The following AUTS2 variants were observed in gnomAD, a reference collection of about 807,000 sequenced individuals.
AUTS2 encodes activator of transcription and developmental regulator AUTS2.
AUTS2 carries 17 observed loss-of-function variants against 112.4 expected under a neutral mutation model. That is an observed-to-expected ratio of 0.15 (90% CI 0.10 to 0.23). The LOEUF is 0.23. AUTS2 is among the 10% of genes least tolerant of loss of function. AUTS2 has a pLI of 1.00. For missense variants in AUTS2, 1,510 were observed against 1,701.6 expected, an observed-to-expected ratio of 0.89 and a Z score of 1.98; for synonymous variants, 751 against 702.7, an observed-to-expected ratio of 1.07 and a Z score of -1.09.
At chr7:70,651,197 A>G (rs1806488534) in intron 5 of AUTS2, among the ~76,000 whole-genome samples, 1 of 152,224 alleles carries the variant, frequency 6.6e-6, no homozygotes, top group South Asian at 2.1e-4. Flanking sequence ...CGCTATATAG[A>G]TAAGGATCAT....
chr7:69,907,109 A>G (rs1795178342), intron 2 of AUTS2, among the ~76,000 whole-genome samples: 1 of 152,214 alleles, frequency 6.6e-6, no homozygotes, highest in Non-Finnish European at 1.5e-5. Flanking sequence ...CCTGTCTCCA[A>G]AAAAGAAAAC....
At chr7:70,566,811 A>G (rs1461934245) in intron 5 of AUTS2, among the ~76,000 whole-genome samples, 1 of 152,236 alleles carries the variant, frequency 6.6e-6, no homozygotes, top group Admixed American at 6.5e-5. Context: ...TAATATATCC[A>G]CTGGCATTAA....
At chr7:70,034,674 G>A (rs1266639374) in intron 2 of AUTS2, among the ~76,000 whole-genome samples, 1 of 152,102 alleles carries the variant, frequency 6.6e-6, no homozygotes, top group South Asian at 2.1e-4. Context: ...TGACAGTTTG[G>A]TGGTTGTTAC....
intron 4 of AUTS2, among the ~76,000 whole-genome samples, chr7:70,230,413 C>A (rs1356492877): frequency 6.6e-6 from 1 of 152,160 alleles, no homozygotes; most frequent in Non-Finnish European, 1.5e-5. Flanking sequence ...AGGGACCACC[C>A]CTGAAATCAA....
intron 2 of AUTS2, among the ~76,000 whole-genome samples, chr7:70,015,349 C>T (rs1424304676): frequency 6.6e-6 from 1 of 152,174 alleles, no homozygotes; most frequent in Non-Finnish European, 1.5e-5. Context: ...TGAATACATA[C>T]TATCATTAGC....
chr7:70,295,830 GT>G (rs1554359156), intron 4 of AUTS2, among the ~76,000 whole-genome samples: 1 of 152,128 alleles, frequency 6.6e-6, no homozygotes, highest in Non-Finnish European at 1.5e-5. Context: ...AGTTTCATTT[GT>G]GTGACCAAGA....
intron 15 of AUTS2, chr7:70,784,628 T>C (rs1168530018): frequency 9.3e-6 from 3 of 321,618 alleles, no homozygotes; most frequent in Non-Finnish European, 1.7e-5. Context: ...CCCAGGGCAG[T>C]TATCTCTGTC....
intron 4 of AUTS2, among the ~76,000 whole-genome samples, chr7:70,191,716 G>C (rs1290196053): frequency 2.0e-5 from 3 of 152,078 alleles, no homozygotes; most frequent in Non-Finnish European, 2.9e-5. Context: ...CAGATTGTTT[G>C]TAACCATTTT....
At chr7:70,453,089 G>A (rs868379921) in intron 5 of AUTS2, among the ~76,000 whole-genome samples, 1 of 152,142 alleles carries the variant, frequency 6.6e-6, no homozygotes, top group Non-Finnish European at 1.5e-5. Flanking sequence ...GGAGCCTCTT[G>A]TGTGATGCAT....
chr7:70,704,334 A>C (rs1160981652), intron 6 of AUTS2, among the ~76,000 whole-genome samples: 1 of 152,102 alleles, frequency 6.6e-6, no homozygotes, highest in Non-Finnish European at 1.5e-5. Context: ...CCACTTTTCC[A>C]TCCTGAGTGC....
chr7:69,850,255 C>T (rs180835872), intron 1 of AUTS2, among the ~76,000 whole-genome samples: 29 of 151,302 alleles, frequency 1.9e-4, no homozygotes, highest in Admixed American at 8.6e-4. Flanking sequence ...GCTGAGATTG[C>T]ACCAGTGTAC....
In AUTS2 at chr7:69,638,393, C is replaced by T. The variant is rs543827838; in HGVS notation, c.309+38431C>T. ...TTTCTCAAGACTAAGTTAATGATCACAGCAGAAGTTGTAGTTCTCTGTATC... is the reference window on the plus strand; with the variant it reads ...TTTCTCAAGACTAAGTTAATGATCATAGCAGAAGTTGTAGTTCTCTGTATC... On this transcript the variant is annotated intron_variant, in intron 1 of 18. Transcript: ENST00000342771. Among the ~76,000 whole-genome samples, 15 of 152,346 alleles carry T rather than the reference C, an allele frequency of 9.8e-5. No individual in the cohort carries two copies. In the South Asian group the frequency reaches 2.9e-3, roughly 29 times the overall value.
intron 4 of AUTS2, among the ~76,000 whole-genome samples, chr7:70,170,159 ATTTTT>A (rs34556589): frequency 7.5e-6 from 1 of 132,892 alleles, no homozygotes; most frequent in Admixed American, 7.7e-5. Context: ...AAATGCAAGT[ATTTTT>A]TTTTTTTTTT....
intron 1 of AUTS2, among the ~76,000 whole-genome samples, chr7:69,756,982 G>A (rs143277101): frequency 6.6e-6 from 1 of 152,128 alleles, no homozygotes; most frequent in African/African-American, 2.4e-5. Flanking sequence ...GGAAATATTG[G>A]TTTTACTTTG....
intron 5 of AUTS2, among the ~76,000 whole-genome samples, chr7:70,595,686 AC>A (rs1168781825): frequency 6.6e-6 from 1 of 152,138 alleles, no homozygotes; most frequent in Admixed American, 6.5e-5. Flanking sequence ...CTCCTCTGTA[AC>A]ATGAAGTTGG....
chr7:70,364,958 A>G (rs778174190), intron 4 of AUTS2, among the ~76,000 whole-genome samples: 5 of 152,220 alleles, frequency 3.3e-5, no homozygotes, highest in Non-Finnish European at 5.9e-5. Flanking sequence ...ATACTGCTGT[A>G]GGTAAAGTTG....
chr7:70,373,570 T>C (rs150773398), intron 4 of AUTS2, among the ~76,000 whole-genome samples: 4 of 152,282 alleles, frequency 2.6e-5, no homozygotes, highest in Non-Finnish European at 5.9e-5. Context: ...CTAGAGAAGA[T>C]GGAACTGGCA....
At chr7:69,805,390 A>G (rs1380065125) in intron 1 of AUTS2, among the ~76,000 whole-genome samples, 2 of 152,210 alleles carry the variant, frequency 1.3e-5, no homozygotes, top group Non-Finnish European at 2.9e-5. Flanking sequence ...AGAGGAGACA[A>G]ATAATACGCA....
intron 5 of AUTS2, among the ~76,000 whole-genome samples, chr7:70,624,124 A>T (rs1322607160): frequency 1.3e-5 from 2 of 152,188 alleles, no homozygotes; most frequent in Non-Finnish European, 2.9e-5. Context: ...TGATAATTTT[A>T]AAAAATCAAT....
Sources: allele counts gnomAD v4.1 joint callset (sites outside exome capture counted in the v4.1 genomes callset), GRCh38; gene constraint gnomAD v4.1.1; transcripts MANE v1.5; gene names NCBI Gene and HGNC (gene_info 2026-07-23, HGNC 2026-07-21).